The following RHPN1 variants were observed in gnomAD, a reference collection of about 807,000 sequenced individuals.
RHPN1 encodes rhophilin Rho GTPase binding protein 1.
In RHPN1, 77 loss-of-function variants were observed where a neutral mutation model predicts 74.7. The observed-to-expected ratio is 1.03, with a 90% CI of 0.86 to 1.25. The LOEUF is 1.25. RHPN1 is among the 50% of genes most tolerant of loss of function. The probability of loss-of-function intolerance (pLI) is 0.00; values close to 1 mark genes in which losing one functional copy is unlikely to be tolerated. For missense variants in RHPN1, 987 were observed against 932.2 expected (o/e 1.06, Z -0.77); for synonymous variants, 444 against 414.5 (o/e 1.07, Z -0.87).
At chr8:143,375,765 C>A (rs1563791699) in intron 2 of RHPN1, 97 bp downstream of exon 2, 2 of 875,720 alleles carry the variant, frequency 2.3e-6, no homozygotes, top group East Asian at 5.6e-5. Flanking sequence ...ATGGCCGGGT[C>A]ACAGAGACAG....
rs1817645893 is a variant in RHPN1, at chr8:143,368,903, CG to C, written c.-82del. 1.9e-6 allele frequency: 2 copies of C among 1,057,554 alleles called. No individual in the cohort carries two copies. The highest frequency in any genetic ancestry group is 3.4e-5 in the African/African-American group (2 of 59,086). 65.5% of individuals were successfully genotyped at this position (1,057,554 alleles called of 1,614,324 possible). On this transcript the variant is annotated 5_prime_UTR_variant, in exon 1 of 15. Transcript: ENST00000289013. ...TCAGGAGCCCGCGGCCCAGGTGGTG[CG>C]GGCGGCCCTAGCCCGGCTGCGGAGC...
rs751002561 is a variant in RHPN1, at chr8:143,379,875, C to T, written c.992C>T (p.Pro331Leu). ...RLVHRTMAQP[P>L]VHDYVPVSWT... is the part of the protein sequence containing the mutation. ...GTGCACCGGACCATGGCCCAGCCAC[C>T]CGTCCACGACTACGTGCCTGTCTCC... The change falls in exon 9 of 15, where the codon CCC becomes CTC. Residue 331 changes from proline (P) to leucine (L), a missense_variant. By Grantham distance (98) the Pro-to-Leu change is moderately conservative. Transcript: ENST00000289013. The T allele has an allele frequency of 1.2e-6, 2 of 1,610,888 alleles. No individual in the cohort carries two copies. The highest frequency in any genetic ancestry group is 8.5e-7 in the Non-Finnish European group (1 of 1,179,058).
chr8:143,378,933 C>T lies in RHPN1; in HGVS notation c.606C>T (p.Val202=), dbSNP rs1206642863. The change falls in exon 7 of 15, where the codon GTC becomes GTT. Residue 202 remains valine (V), a synonymous_variant. Transcript: ENST00000289013. ...FFHWYDSLTG[V]PAQQRALAFE... ...GCAGGTACGACTCGCTTACTGGGGT[C>T]CCGGCCCAGCAGCGTGCCCTGGCCT... The T allele has an allele frequency of 1.9e-6, 3 of 1,582,926 alleles. 1 individual carries two copies. The South Asian group carries it at 3.5e-5, about 18-fold the overall frequency.
chr8:143,375,751 C>T (rs1818173750), intron 2 of RHPN1, 83 bp downstream of exon 2: 1 of 1,033,648 alleles, frequency 9.7e-7, no homozygotes, highest in Non-Finnish European at 1.4e-6. Context: ...CAGATGTCTG[C>T]CCCATGGCCG....
chr8:143,371,710 C>A (rs1817832118), intron 1 of RHPN1, among the ~76,000 whole-genome samples: 1 of 152,190 alleles, frequency 6.6e-6, no homozygotes, highest in Admixed American at 6.5e-5. Flanking sequence ...GGCTGCCTCT[C>A]GGGACCCCCA....
rs182667856 is a variant in RHPN1, at chr8:143,377,025, C to T, written c.306-355C>T. Among the ~76,000 whole-genome samples the T allele has an allele frequency of 4.2e-3, 584 of 139,124 alleles. 4 individuals carry two copies. The highest frequency in any genetic ancestry group is 0.029 in the Middle Eastern group (6 of 210). 91.3% of individuals were successfully genotyped at this position (139,124 alleles called of 152,430 possible). On this transcript the variant is annotated intron_variant, in intron 3 of 14. Transcript: ENST00000289013. Reference sequence around the variant, plus strand: ...GGGTGTGTGTTTGCCTCTATGTGTGCGTGTATGCACGTGTGTCTGTGTGTG... The same window carrying T: ...GGGTGTGTGTTTGCCTCTATGTGTGTGTGTATGCACGTGTGTCTGTGTGTG...
chr8:143,381,191 A>C, intron 11 of RHPN1, 77 bp from the exon 12 acceptor site: 1 of 1,267,600 alleles, frequency 7.9e-7, no homozygotes, highest in Non-Finnish European at 1.1e-6. Context: ...ACTCAGGGTC[A>C]TGCCCTGCGC....
chr8:143,380,866 A>G (rs930947251), intron 11 of RHPN1, 83 bp downstream of exon 11: 8 of 1,127,998 alleles, frequency 7.1e-6, no homozygotes, highest in African/African-American at 1.6e-5. Flanking sequence ...GGCTGATTGC[A>G]TTAAAGATGC....
chr8:143,381,616 G>T lies in RHPN1; in HGVS notation c.1533G>T (p.Val511=). 6.2e-7 allele frequency: 1 copy of T among 1,610,338 alleles called. No homozygotes were observed. Among genetic ancestry groups the T allele is most frequent in the Non-Finnish European group, 8.5e-7 (1 of 1,179,260 alleles). ...CAGCCAAGAACCGGTGGCGGCTGGT[G>T]GGGCCCGTCCACCTGACCCGAGGAG... ...VFSAKNRWRL[V]GPVHLTRGEG... is the part of the protein sequence containing the mutation. The change falls in exon 13 of 15, where the codon GTG becomes GTT. Residue 511 remains valine, a synonymous_variant. Coordinates refer to ENST00000289013, the MANE Select transcript of RHPN1 (RefSeq NM_052924.3).
upstream of RHPN1, among the ~76,000 whole-genome samples, chr8:143,365,728 C>T (rs990626472): frequency 6.6e-6 from 1 of 152,136 alleles, no homozygotes; most frequent in Non-Finnish European, 1.5e-5. Context: ...CCAGGCACAG[C>T]GGCTCACACC....
intron 8 of RHPN1, 116 bp from the exon 9 acceptor site, chr8:143,379,712 TG>T: frequency 6.9e-7 from 1 of 1,458,824 alleles, no homozygotes; most frequent in Middle Eastern, 2.5e-4. Flanking sequence ...CAGCAGGAAC[TG>T]AGGTGCCAGG....
rs959673278 is a variant in RHPN1 at position 143,383,694 on chromosome 8, G to A, written c.*1043G>A. On this transcript the variant is annotated 3_prime_UTR_variant, in exon 15 of 15. Transcript: ENST00000289013. Reference sequence around the variant, plus strand: ...CGGAGCCGGAGCGGAGGCCCCCACCGAGGGCCCCAGGGCCTGGCAGGTTCC... The same window carrying A: ...CGGAGCCGGAGCGGAGGCCCCCACCAAGGGCCCCAGGGCCTGGCAGGTTCC... The A allele has an allele frequency of 6.5e-6, 1 of 152,724 alleles. No homozygotes were observed. Among genetic ancestry groups the A allele is most frequent in the Non-Finnish European group, 1.5e-5 (1 of 68,470 alleles). 9.5% of individuals were successfully genotyped at this position (152,724 alleles called of 1,614,324 possible).
Position 143,383,010 on chromosome 8 carries a change from C to T in RHPN1, c.*359C>T. Reference sequence around the variant, plus strand: ...GGGCACAGACCCTGAGGTCTCAGTCCTGCCTCCAGCCAAGTTTCTGCCTGG... The same window carrying T: ...GGGCACAGACCCTGAGGTCTCAGTCTTGCCTCCAGCCAAGTTTCTGCCTGG... On this transcript the variant is annotated 3_prime_UTR_variant, in exon 15 of 15. Coordinates refer to ENST00000289013, the MANE Select transcript of RHPN1 (RefSeq NM_052924.3). 3.9e-6 allele frequency: 1 copy of T among 253,648 alleles called. No homozygotes were observed. The highest frequency in any genetic ancestry group is 6.6e-5 in the South Asian group (1 of 15,168). The allele number at this position is 253,648 out of a possible 1,614,324, so 15.7% of individuals were successfully genotyped here. A position where few individuals can be genotyped will look rare whatever the true frequency, so the allele number is the denominator to read the frequency against.
chr8:143,372,314 G>A (rs1817881712), intron 1 of RHPN1, among the ~76,000 whole-genome samples: 1 of 152,098 alleles, frequency 6.6e-6, no homozygotes, highest in Admixed American at 6.5e-5. Context: ...TGGGAGGCGG[G>A]GGTGGGCGGG....
chr8:143,371,795 G>A (rs548881290), intron 1 of RHPN1, among the ~76,000 whole-genome samples: 40 of 152,358 alleles, frequency 2.6e-4, no homozygotes, highest in African/African-American at 6.3e-4. Context: ...CACCGTGGAC[G>A]TGGGGGTGGG....
At position 143,378,715 on chromosome 8, in the gene RHPN1, G is replaced by T; in HGVS notation, c.479G>T (p.Arg160Leu). The T allele has an allele frequency of 6.3e-7, 1 of 1,595,300 alleles. No individual in the cohort carries two copies. Residue 160 changes from arginine (R) to leucine (L), a missense_variant, in exon 6 of 15, where the codon CGG becomes CTG. Physicochemically the swap from Arg to Leu is moderately radical, Grantham distance 102. Coordinates refer to ENST00000289013, the MANE Select transcript of RHPN1 (RefSeq NM_052924.3). ...CTGCAGGCCATGCGGACCCCCAGCC[G>T]GAATGAGTCGGGCCTGGAGCTGCTC... is the stretch of plus-strand genomic sequence containing the variant. ...ALRQAMRTPS[R>L]NESGLELLTA...
upstream of RHPN1, among the ~76,000 whole-genome samples, chr8:143,365,767 G>A (rs1222186839): frequency 6.6e-6 from 1 of 152,182 alleles, no homozygotes; most frequent in Admixed American, 6.5e-5. Flanking sequence ...GGAGGCCAAG[G>A]TGGGCCAATT....
In RHPN1 at chr8:143,375,665, A is replaced by T; in HGVS notation, c.173A>T (p.Tyr58Phe). The T allele has an allele frequency of 6.2e-7, 1 of 1,605,428 alleles. No individual in the cohort carries two copies. Among genetic ancestry groups the T allele is most frequent in the Non-Finnish European group, 8.5e-7 (1 of 1,176,598 alleles). The change falls in exon 2 of 15, where the codon TAC becomes TTC. Residue 58 changes from tyrosine (Y) to phenylalanine (F), a missense_variant. Physicochemically the swap from Tyr to Phe is conservative, Grantham distance 22. Coordinates refer to ENST00000289013, the MANE Select transcript of RHPN1 (RefSeq NM_052924.3). ...ATGCGGACGGGCGCTGAGAACCTCT[A>T]CAGGTCAGTGCTTGAGACTGCCCGG... ...LQMRTGAENL[Y>F]RATSNNRVRE... is the part of the protein sequence containing the mutation.
Position 143,376,956 on chromosome 8 carries a change from CTG to C in RHPN1, c.305+308_305+309del, listed in dbSNP as rs552703507. Among the ~76,000 whole-genome samples the C allele has an allele frequency of 3.4e-4, 48 of 142,312 alleles. 1 individual carries two copies. Among genetic ancestry groups the C allele is most frequent in the African/African-American group, 6.4e-4 (24 of 37,632 alleles). 93.4% of individuals were successfully genotyped at this position (142,312 alleles called of 152,430 possible). On this transcript the variant is annotated intron_variant, in intron 3 of 14. Transcript: ENST00000289013. ...TGTGTGTGCATCTCTGTGCGTGTGT[CTG>C]TGTGCACGTGTCTGCGTGCGTGTGC...
Sources: gnomAD v4.1 joint callset for allele counts (sites outside exome capture counted in the v4.1 genomes callset) on GRCh38, gnomAD v4.1.1 for gene constraint, MANE v1.5 for transcripts, NCBI Gene and HGNC (gene_info 2026-07-23, HGNC 2026-07-21) for gene names.